Variants in ELF4 observed in about 807,000 individuals in gnomAD.
ELF4 encodes E74 like ETS transcription factor 4, also known as ETS-related transcription factor Elf-4.
In ELF4, 10 loss-of-function variants were observed where a neutral mutation model predicts 31.7. The observed-to-expected ratio is 0.32, with a 90% CI of 0.19 to 0.54. ELF4 has a LOEUF of 0.54. ELF4 is among the 20% of genes least tolerant of loss of function. ELF4 has a pLI of 0.95. For synonymous variants in ELF4, 208 were observed against 226.7 expected (o/e 0.92, Z 0.74); for missense variants, 418 against 522.0 (o/e 0.80, Z 1.94).
intron 2 of ELF4, among the ~76,000 whole-genome samples, chrX:130,079,013 G>A (rs1345728869): frequency 9.0e-6 from 1 of 111,012 alleles, no homozygotes; most frequent in Non-Finnish European, 1.9e-5. Flanking sequence ...AGTAAAAACA[G>A]AGTGTGGAGA....
At chrX:130,083,099 C>T (rs1228194799) in intron 1 of ELF4, among the ~76,000 whole-genome samples, 8 of 99,572 alleles carry the variant, frequency 8.0e-5, no homozygotes, top group African/African-American at 2.6e-4. Context: ...CACCCCCACC[C>T]TCACCCTCAC....
At chrX:130,091,155 A>G (rs1003685593) in intron 1 of ELF4, among the ~76,000 whole-genome samples, 1 of 112,120 alleles carries the variant, frequency 8.9e-6, no homozygotes, top group Non-Finnish European at 1.9e-5. Flanking sequence ...GGCCAGACAC[A>G]GTGGCTCACT....
chrX:130,075,241 T>C (rs1279242669), intron 2 of ELF4, among the ~76,000 whole-genome samples: 1 of 109,167 alleles, frequency 9.2e-6, no homozygotes, highest in Non-Finnish European at 1.9e-5. Flanking sequence ...AGTGCTGGGA[T>C]TACAGGCGTG....
intron 1 of ELF4, among the ~76,000 whole-genome samples, chrX:130,089,148 G>A (rs192666149): frequency 9.0e-6 from 1 of 110,621 alleles, no homozygotes; most frequent in African/African-American, 3.3e-5. Flanking sequence ...CTCGGCTCCA[G>A]AAGTCATCGA....
chrX:130,100,766 C>T (rs761410829), intron 1 of ELF4, among the ~76,000 whole-genome samples: 1 of 111,876 alleles, frequency 8.9e-6, no homozygotes, highest in South Asian at 3.7e-4. Flanking sequence ...TCTTGTTTCC[C>T]CAACAGGTAG....
intron 1 of ELF4, among the ~76,000 whole-genome samples, chrX:130,100,035 G>C (rs1396639997): frequency 9.0e-6 from 1 of 111,535 alleles, no homozygotes; most frequent in African/African-American, 3.3e-5. Context: ...CAACCAGCAG[G>C]TGAACTATAG....
At chrX:130,078,758 T>TACACA (rs1224894698) in intron 2 of ELF4, among the ~76,000 whole-genome samples, 1 of 84,475 alleles carries the variant, frequency 1.2e-5, no homozygotes, top group African/African-American at 4.6e-5. Context: ...ACTCTCTCTC[T>TACACA]CTCTACACAC....
chrX:130,090,727 C>T (rs763218590), intron 1 of ELF4, among the ~76,000 whole-genome samples: 10 of 112,537 alleles, frequency 8.9e-5, no homozygotes, highest in East Asian at 2.8e-4. Context: ...CATTTTTAGA[C>T]GGCCCATGAG....
At chrX:130,111,143 G>A (rs1249061919), upstream of ELF4, among the ~76,000 whole-genome samples, 2 of 108,722 alleles carry the variant, frequency 1.8e-5, no homozygotes, top group Non-Finnish European at 3.9e-5. Flanking sequence ...TTCCCCTCGC[G>A]GCTCGCTCGC....
Position 130,069,368 on chromosome X carries a change from C to A in ELF4, c.1119G>T (p.Glu373Asp). Residue 373 changes from glutamate (E) to aspartate (D), a missense_variant, in exon 8 of 9, where the codon GAG (glutamate) becomes GAT (aspartate). This residue lies in a region of ELF4 where 260 missense variants were observed against 269.2 expected (regional missense o/e 0.97). Coordinates refer to ENST00000308167, the MANE Select transcript of ELF4 (RefSeq NM_001421.4). ...SLELGPSLDE[E>D]IPTTSTMLVS... ...CGAGCATGGTGGAGGTAGTGGGGAT[C>A]TCCTCGTCTAGCGACGGTCCCAATT... The A allele has an allele frequency of 8.2e-7, 1 of 1,212,218 alleles. No homozygotes were observed. The highest frequency in any genetic ancestry group is 1.1e-6 in the Non-Finnish European group (1 of 895,616).
chrX:130,068,816 G>C (rs1237896071), intron 8 of ELF4, among the ~76,000 whole-genome samples: 1 of 112,557 alleles, frequency 8.9e-6, no homozygotes, highest in South Asian at 3.6e-4. Flanking sequence ...CCGGATGTGT[G>C]ACCTCAGGCA....
chrX:130,072,185 T>C (rs1365526237), intron 5 of ELF4, 41 bp downstream of exon 5: 161 of 545,994 alleles, frequency 2.9e-4, no homozygotes, highest in Non-Finnish European at 4.4e-4. Flanking sequence ...GCCCCGCCCA[T>C]CCCCTCGGAG....
At chrX:130,093,866 T>C (rs1933100409) in intron 1 of ELF4, among the ~76,000 whole-genome samples, 2 of 112,258 alleles carry the variant, frequency 1.8e-5, no homozygotes, top group Admixed American at 9.4e-5. Context: ...AAGGTGATCT[T>C]GATACCTCTC....
rs368563898 is a variant in ELF4 at position 130,074,635 on chromosome X, C to T, written c.193G>A (p.Gly65Arg). 8.8e-5 allele frequency: 106 copies of T among 1,209,739 alleles called. No homozygotes were observed. Among genetic ancestry groups the T allele is most frequent in the South Asian group, 2.5e-4 (14 of 56,823 alleles). The change falls in exon 3 of 9, where the codon GGG (glycine) becomes AGG (arginine). Residue 65 changes from glycine to arginine, a missense_variant. This residue lies in a region of ELF4 where 35 missense variants were observed against 76.4 expected (regional missense o/e 0.46). Transcript: ENST00000308167. ...TGATCCTGCGTCATGCACAAGGTCC[C>T]GTCTGTTATGATGCCATTGTGAACG... Reference protein sequence around the residue: ...DDVHNGIITDGTLCMTQDQIL... With the variant: ...DDVHNGIITDRTLCMTQDQIL...
At chrX:130,102,952 A>AGGG (rs1933309681) in intron 1 of ELF4, among the ~76,000 whole-genome samples, 3 of 49,473 alleles carry the variant, frequency 6.1e-5, no homozygotes, top group African/African-American at 3.5e-4. Context: ...GGAAGGAAGG[A>AGGG]AGGGAGGGAG....
chrX:130,092,626 C>G (rs890950407), intron 1 of ELF4, among the ~76,000 whole-genome samples: 4 of 112,145 alleles, frequency 3.6e-5, no homozygotes, highest in Non-Finnish European at 7.5e-5. Flanking sequence ...TGGAGTGAGC[C>G]TGGCCTTAGA....
At chrX:130,069,223 CAAA>C (rs367640579) in intron 8 of ELF4, 74 bp downstream of exon 8, 238 of 1,018,907 alleles carry the variant, frequency 2.3e-4, no homozygotes, top group Admixed American at 4.8e-4. Context: ...GACTCCATCT[CAAA>C]AAAAAAAAAA....
intron 4 of ELF4, among the ~76,000 whole-genome samples, chrX:130,072,675 C>A (rs1223569369): frequency 8.9e-6 from 1 of 112,236 alleles, no homozygotes; most frequent in Non-Finnish European, 1.9e-5. Context: ...AAGTTCTAGG[C>A]GGCACCCCAG....
intron 1 of ELF4, among the ~76,000 whole-genome samples, chrX:130,086,500 A>T: frequency 8.9e-6 from 1 of 112,089 alleles, no homozygotes; most frequent in Non-Finnish European, 1.9e-5. Context: ...CTCTTTCTCC[A>T]GGGGACCCAC....
Sources: gnomAD v4.1 joint callset for allele counts (sites outside exome capture counted in the v4.1 genomes callset) on GRCh38, gnomAD v4.1.1 for gene constraint, gnomAD v4.1.1 regional missense constraint, MANE v1.5 for transcripts, NCBI Gene and HGNC (gene_info 2026-07-23, HGNC 2026-07-21) for gene names.